PMEPA1: variants seen among roughly 807,000 people sequenced by gnomAD.
PMEPA1 encodes protein TMEPAI.
A neutral mutation model predicts 23.0 loss-of-function variants in PMEPA1; 11 were observed. That is an observed-to-expected ratio of 0.48 (90% CI 0.30 to 0.79). PMEPA1 has a LOEUF of 0.79. PMEPA1 is among the 30% of genes least tolerant of loss of function. PMEPA1 has a pLI of 0.06. For synonymous variants in PMEPA1, 204 were observed against 166.4 expected (o/e 1.23, Z -1.74); for missense variants, 377 against 390.9 (o/e 0.96, Z 0.30).
At chr20:57,692,467 G>T (rs926372694) in intron 1 of PMEPA1, among the ~76,000 whole-genome samples, 1 of 152,254 alleles carries the variant, frequency 6.6e-6, no homozygotes, top group Non-Finnish European at 1.5e-5. Flanking sequence ...CTCATGACCA[G>T]GATGCCCAGT....
intron 1 of PMEPA1, among the ~76,000 whole-genome samples, chr20:57,693,639 A>G (rs1600668080): frequency 1.3e-5 from 2 of 152,360 alleles, no homozygotes; most frequent in Non-Finnish European, 2.9e-5. Flanking sequence ...AGGCTAAATA[A>G]TAAGTCACAG....
At position 57,659,703 on chromosome 20, in the gene PMEPA1, G is replaced by C. The variant is rs2071385444; in HGVS notation, c.110-6C>G. ...CTGAACAAACTCCAGCTCCGCTGTG[G>C]AGACAAAGAGGGACACGTGAGACCC... On this transcript the variant is annotated splice_region_variant and splice_polypyrimidine_tract_variant and intron_variant, in intron 1 of 3. Transcript: ENST00000341744. 23 of 1,564,494 alleles carry C rather than the reference G, an allele frequency of 1.5e-5. No homozygotes were observed. The highest frequency in any genetic ancestry group is 2.0e-5 in the Non-Finnish European group (23 of 1,154,614).
intron 1 of PMEPA1, among the ~76,000 whole-genome samples, chr20:57,693,708 AT>A (rs60502125): frequency 1.5e-4 from 23 of 150,912 alleles, no homozygotes; most frequent in African/African-American, 2.4e-4. Flanking sequence ...AATTAAGGAG[AT>A]TTTTTTTTTC....
intron 1 of PMEPA1, among the ~76,000 whole-genome samples, chr20:57,687,881 G>A (rs1409731237): frequency 6.6e-6 from 1 of 152,206 alleles, no homozygotes; most frequent in Non-Finnish European, 1.5e-5. Context: ...CCCCCAGCAG[G>A]GCTCCTGAGC....
chr20:57,708,716 G>C (rs1259181058), intron 1 of PMEPA1, among the ~76,000 whole-genome samples: 1 of 152,016 alleles, frequency 6.6e-6, no homozygotes, highest in African/African-American at 2.4e-5. Flanking sequence ...CAAGATCCAC[G>C]CTGGGCCAGA....
rs1349257932 is a variant in PMEPA1, at chr20:57,656,452, T to A, written c.264+3091A>T. On this transcript the variant is annotated intron_variant, in intron 2 of 3. Transcript: ENST00000341744. This position sits in a 1 kb window ranked among gnomAD's most constrained non-coding sequence, Gnocchi z 4.7. Reference sequence around the variant, plus strand: ...CCCCATCCAAGGCCTGAGTTCCTAGTCTGAGCAGGCCTTGGGCACAAAGAC... The same window carrying A: ...CCCCATCCAAGGCCTGAGTTCCTAGACTGAGCAGGCCTTGGGCACAAAGAC... 6.6e-6 allele frequency among the ~76,000 whole-genome samples: 1 copy of A among 151,880 alleles called. No homozygotes were observed. Among genetic ancestry groups the A allele is most frequent in the Non-Finnish European group, 1.5e-5 (1 of 67,934 alleles).
At chr20:57,687,167 G>A (rs148092364) in intron 1 of PMEPA1, among the ~76,000 whole-genome samples, 13 of 152,358 alleles carry the variant, frequency 8.5e-5, no homozygotes, top group East Asian at 1.9e-4. Flanking sequence ...ATCTGCCAAC[G>A]CGGAGGAATG....
At chr20:57,708,674 C>T (rs759844777) in intron 1 of PMEPA1, among the ~76,000 whole-genome samples, 7 of 152,108 alleles carry the variant, frequency 4.6e-5, no homozygotes, top group Non-Finnish European at 8.8e-5. Flanking sequence ...GCGTCGGGGA[C>T]ACAGACACTG....
At chr20:57,703,819 G>A (rs990980616) in intron 1 of PMEPA1, among the ~76,000 whole-genome samples, 1 of 152,090 alleles carries the variant, frequency 6.6e-6, no homozygotes, top group African/African-American at 2.4e-5. Flanking sequence ...AGTCCAATCC[G>A]CCCCACCATC....
chr20:57,652,497 C>T lies in PMEPA1; in HGVS notation c.420G>A (p.Leu140=). The T allele has an allele frequency of 6.2e-7, 1 of 1,602,352 alleles. No homozygotes were observed. The highest frequency in any genetic ancestry group is 8.5e-7 in the Non-Finnish European group (1 of 1,173,358). Reference sequence around the variant, plus strand: ...TGGGTGGCAGGTCGATCTCGTGCTGCAGGTACGGATAGGTGGGCTGGAAGC... The same window carrying T: ...TGGGTGGCAGGTCGATCTCGTGCTGTAGGTACGGATAGGTGGGCTGGAAGC... ...FHRFQPTYPY[L]QHEIDLPPTI... The change falls in exon 4 of 4, where the codon CTG becomes CTA. Residue 140 remains leucine, a synonymous_variant. Transcript: ENST00000341744. This position sits in a 1 kb window ranked among gnomAD's most constrained non-coding sequence, Gnocchi z 6.1.
rs562712355 is a variant in PMEPA1, at chr20:57,690,584, G to A, written c.109+18890C>T. The A allele has an allele frequency of 5.6e-5, 70 of 1,247,594 alleles. 1 individual carries two copies. In the African/African-American group the frequency reaches 7.0e-4, roughly 12 times the overall value. The allele number at this position is 1,247,594 out of a possible 1,614,324, so 77.3% of individuals were successfully genotyped here. A position where few individuals can be genotyped will look rare whatever the true frequency, so the allele number is the denominator to read the frequency against. On this transcript the variant is annotated intron_variant, in intron 1 of 3. Transcript: ENST00000341744. Reference sequence around the variant, plus strand: ...CGGGGTCTCCATTGCTATGGCGGGTGTAGAGGGTCATGTGCAAACAGGTGG... The same window carrying A: ...CGGGGTCTCCATTGCTATGGCGGGTATAGAGGGTCATGTGCAAACAGGTGG...
In PMEPA1 at chr20:57,675,403, C is replaced by T. The variant is rs372019595; in HGVS notation, c.110-15706G>A. ...AGCAGCAAAAGGCAAGGCCTGAGTC[C>T]GTCAGGAGCCCGACTGAGCTGGAAG... On this transcript the variant is annotated intron_variant, in intron 1 of 3. Coordinates refer to ENST00000341744, the MANE Select transcript of PMEPA1 (RefSeq NM_020182.5). Among the ~76,000 whole-genome samples the T allele has an allele frequency of 2.6e-5, 4 of 152,338 alleles. No homozygotes were observed. In the East Asian group the frequency reaches 5.8e-4, roughly 22 times the overall value.
upstream of PMEPA1, chr20:57,710,303 C>G (rs925847452): frequency 6.6e-4 from 511 of 769,500 alleles, 1 homozygote; most frequent in Non-Finnish European, 9.2e-4. Context: ...CCAGCCGCAC[C>G]CGGGCGGGTT....
At chr20:57,680,250 G>A (rs956060919) in intron 1 of PMEPA1, among the ~76,000 whole-genome samples, 6 of 152,210 alleles carry the variant, frequency 3.9e-5, no homozygotes, top group African/African-American at 9.6e-5. Flanking sequence ...CCAAGGAGCC[G>A]CTTTGGGGAG....
intron 2 of PMEPA1, among the ~76,000 whole-genome samples, chr20:57,657,253 A>C (rs1360154590): frequency 6.6e-6 from 1 of 152,142 alleles, no homozygotes; most frequent in African/African-American, 2.4e-5. Context: ...TGAGGCTCCG[A>C]GGGGCAAGGT....
At chr20:57,653,126 G>A (rs1200065969) in intron 2 of PMEPA1, 40 bp from the exon 3 acceptor site, 1 of 1,521,140 alleles carries the variant, frequency 6.6e-7, no homozygotes. Flanking sequence ...CAGTGGGGTG[G>A]GCAGGAGGGA....
At chr20:57,675,404 G>A (rs930228098) in intron 1 of PMEPA1, among the ~76,000 whole-genome samples, 5 of 152,206 alleles carry the variant, frequency 3.3e-5, no homozygotes, top group Admixed American at 6.5e-5. Context: ...GCCTGAGTCC[G>A]TCAGGAGCCC....
intron 1 of PMEPA1, among the ~76,000 whole-genome samples, chr20:57,660,334 CACA>C (rs961856045): frequency 1.1e-4 from 16 of 152,072 alleles, no homozygotes; most frequent in East Asian, 5.8e-4. Context: ...CTCCTACACA[CACA>C]ACACCAACAC....
intron 1 of PMEPA1, among the ~76,000 whole-genome samples, chr20:57,678,354 G>A (rs2146677602): frequency 6.6e-6 from 1 of 152,334 alleles, no homozygotes; most frequent in Non-Finnish European, 1.5e-5. Flanking sequence ...ACAAACAATT[G>A]TCTCAAAATA....
Sources: gnomAD v4.1 joint callset for allele counts (sites outside exome capture counted in the v4.1 genomes callset) on GRCh38, gnomAD v4.1.1 for gene constraint, Gnocchi (gnomAD v3.1) non-coding constraint, MANE v1.5 for transcripts, NCBI Gene and HGNC (gene_info 2026-07-23, HGNC 2026-07-21) for gene names.